FBXL13: variants seen among roughly 807,000 people sequenced by gnomAD.
FBXL13 encodes the protein F-box and leucine-rich repeat protein 13.
FBXL13 carries 67 observed loss-of-function variants against 83.6 expected under a neutral mutation model. The ratio of observed to expected loss-of-function variants is 0.80; its 90% CI spans 0.66 to 0.98. FBXL13 has a LOEUF of 0.98. Among genes scored for constraint, FBXL13 ranks in the 50% least tolerant of loss-of-function variants. FBXL13 has a pLI of 0.00. For synonymous variants in FBXL13, 272 were observed against 299.5 expected, an observed-to-expected ratio of 0.91 and a Z score of 0.95; for missense variants, 822 against 866.5, an observed-to-expected ratio of 0.95 and a Z score of 0.64.
Position 103,053,184 on chromosome 7 carries a change from CTT to C in FBXL13, c.-1+2458_-1+2459del, listed in dbSNP as rs553062260. 4.8e-3 allele frequency among the ~76,000 whole-genome samples: 727 copies of C among 151,360 alleles called. 6 individuals carry two copies. The highest frequency in any genetic ancestry group is 0.017 in the African/African-American group (687 of 41,226). On this transcript the variant is annotated intron_variant, in intron 2 of 19. Transcript: ENST00000313221. The stretch of plus-strand genomic sequence containing the variant: ...TTGTTTTTTGAGACGAAGTCTTGCT[CTT>C]GTGTCGCCCAGGCTGAAGCACAGTG...
intron 6 of FBXL13, among the ~76,000 whole-genome samples, chr7:102,996,869 G>T (rs182955833): frequency 6.6e-6 from 1 of 152,310 alleles, no homozygotes; most frequent in African/African-American, 2.4e-5. Flanking sequence ...TATTGTGGAT[G>T]ACTGGCCTTG....
intron 7 of FBXL13, among the ~76,000 whole-genome samples, chr7:102,966,216 C>T (rs571146854): frequency 6.6e-5 from 10 of 152,220 alleles, no homozygotes; most frequent in Non-Finnish European, 1.5e-4. Flanking sequence ...CAGTGATTCT[C>T]GAACTTTAGC....
At chr7:103,040,104 G>C (rs1175133392) in intron 2 of FBXL13, among the ~76,000 whole-genome samples, 1 of 151,604 alleles carries the variant, frequency 6.6e-6, no homozygotes, top group South Asian at 2.1e-4. Context: ...ATGCACATAA[G>C]CTCAAAATAA....
At chr7:102,951,914 T>G (rs778180550) in intron 8 of FBXL13, among the ~76,000 whole-genome samples, 9 of 152,062 alleles carry the variant, frequency 5.9e-5, no homozygotes, top group African/African-American at 1.9e-4. Flanking sequence ...TATAGTAGTA[T>G]TATTCACAAT....
At chr7:102,963,749 C>G in intron 7 of FBXL13, 84 bp from the exon 9 acceptor site, 1 of 1,324,380 alleles carries the variant, frequency 7.6e-7, no homozygotes, top group Non-Finnish European at 1.0e-6. Context: ...ACAAATGTGA[C>G]CTAATTAAAC....
intron 2 of FBXL13, among the ~76,000 whole-genome samples, chr7:103,032,397 A>T (rs1354683255): frequency 1.3e-5 from 2 of 152,202 alleles, no homozygotes; most frequent in African/African-American, 4.8e-5. Flanking sequence ...CCATCTCTTA[A>T]AAAATGAGTA....
intron 6 of FBXL13, among the ~76,000 whole-genome samples, chr7:103,019,217 A>C (rs1048115914): frequency 1.4e-4 from 21 of 152,230 alleles, no homozygotes; most frequent in Admixed American, 2.6e-4. Flanking sequence ...CTGCTTCTGA[A>C]TGACTACTGG....
intron 10 of FBXL13, among the ~76,000 whole-genome samples, chr7:102,923,084 T>A (rs73408241): frequency 0.14 from 20,960 of 152,220 alleles, 1,586 homozygotes; most frequent in East Asian, 0.3. Context: ...AGGTGATATA[T>A]GTCAAAGAGG....
chr7:103,054,503 ATTT>A (rs10564998), intron 2 of FBXL13, among the ~76,000 whole-genome samples: 1,668 of 152,088 alleles, frequency 0.011, 35 homozygotes, highest in African/African-American at 0.039. Flanking sequence ...TCTCTTAAAC[ATTT>A]ATCTTTGTTC....
intron 2 of FBXL13, among the ~76,000 whole-genome samples, chr7:103,039,909 C>A (rs1382978538): frequency 6.6e-6 from 1 of 152,034 alleles, no homozygotes; most frequent in Non-Finnish European, 1.5e-5. Flanking sequence ...TATGAAGAAA[C>A]TGCATCAATT....
intron 18 of FBXL13, among the ~76,000 whole-genome samples, chr7:102,828,370 A>G (rs1162009477): frequency 1.3e-5 from 2 of 152,096 alleles, no homozygotes; most frequent in African/African-American, 4.8e-5. Flanking sequence ...TTTCCTTATG[A>G]CCATTTCGAA....
intron 6 of FBXL13, among the ~76,000 whole-genome samples, chr7:103,023,230 C>G (rs111983649): frequency 6.6e-6 from 1 of 152,014 alleles, no homozygotes; most frequent in Non-Finnish European, 1.5e-5. Context: ...GAGCTGAGAT[C>G]GCGCCACTGC....
chr7:102,907,541 A>C (rs116954070), intron 11 of FBXL13, among the ~76,000 whole-genome samples: 4,629 of 149,578 alleles, frequency 0.031, 86 homozygotes, highest in Middle Eastern at 0.078. Context: ...TTACTGTTCA[A>C]CTCCCACCTA....
chr7:102,831,720 G>A (rs1313587362), intron 18 of FBXL13, among the ~76,000 whole-genome samples: 1 of 151,976 alleles, frequency 6.6e-6, no homozygotes, highest in African/African-American at 2.4e-5. Context: ...CTCTACTGTT[G>A]GCTTAGGATT....
At chr7:102,905,984 G>T (rs1352081748) in intron 11 of FBXL13, among the ~76,000 whole-genome samples, 1 of 152,134 alleles carries the variant, frequency 6.6e-6, no homozygotes, top group Admixed American at 6.6e-5. Flanking sequence ...GGTTTAATTG[G>T]ACTTACAGTT....
chr7:103,016,367 T>G (rs1201660533), intron 6 of FBXL13, among the ~76,000 whole-genome samples: 2 of 151,602 alleles, frequency 1.3e-5, no homozygotes, highest in African/African-American at 4.8e-5. Context: ...ACAGCTCCTA[T>G]CTATAGCTCC....
At chr7:102,982,578 C>T (rs1368281506) in intron 6 of FBXL13, among the ~76,000 whole-genome samples, 1 of 152,166 alleles carries the variant, frequency 6.6e-6, no homozygotes, top group East Asian at 1.9e-4. Flanking sequence ...ACTGTGTTCA[C>T]TGTAAAAACC....
chr7:102,944,434 A>C (rs1044557801), intron 8 of FBXL13: 6 of 1,614,104 alleles, frequency 3.7e-6, no homozygotes, highest in Non-Finnish European at 2.5e-6. Context: ...TGAAGAATAC[A>C]AAGGATGGTC....
chr7:102,863,610 G>A (rs1807198787), intron 16 of FBXL13, among the ~76,000 whole-genome samples: 1 of 151,986 alleles, frequency 6.6e-6, no homozygotes, highest in Non-Finnish European at 1.5e-5. Flanking sequence ...GATATCCTGA[G>A]GAAAACAAAG....
Sources: gnomAD v4.1 joint callset for allele counts (sites outside exome capture counted in the v4.1 genomes callset) on GRCh38, gnomAD v4.1.1 for gene constraint, MANE v1.5 for transcripts, NCBI Gene and HGNC (gene_info 2026-07-23, HGNC 2026-07-21) for gene names.